The following ARHGAP29 variants were observed in gnomAD, a reference collection of about 807,000 sequenced individuals.
ARHGAP29 encodes rho GTPase-activating protein 29.
ARHGAP29 carries 43 observed loss-of-function variants against 122.6 expected under a neutral mutation model. That is an observed-to-expected ratio of 0.35 (90% CI 0.27 to 0.45). The LOEUF (loss-of-function observed/expected upper bound fraction) is 0.45, where lower values mean the gene tolerates loss of function less well. Among genes scored for constraint, ARHGAP29 ranks in the 20% least tolerant of loss-of-function variants. ARHGAP29 has a pLI of 1.00. For synonymous variants in ARHGAP29, 506 were observed against 497.1 expected, an observed-to-expected ratio of 1.02 and a Z score of -0.24; for missense variants, 1,303 against 1,477.2, an observed-to-expected ratio of 0.88 and a Z score of 1.93.
At chr1:94,242,364 AT>A (rs536435104), upstream of ARHGAP29, among the ~76,000 whole-genome samples, 1 of 152,120 alleles carries the variant, frequency 6.6e-6, no homozygotes, top group Admixed American at 6.6e-5. Context: ...ACATTTTATA[AT>A]TTTTTTAAAA....
At chr1:94,212,612 G>A (rs541205875) in intron 3 of ARHGAP29, among the ~76,000 whole-genome samples, 3 of 152,004 alleles carry the variant, frequency 2.0e-5, no homozygotes, top group African/African-American at 7.2e-5. Context: ...AAACATGACT[G>A]GGAGATTAAA....
At chr1:94,255,336 G>C (rs752171417) in intron 1 of ARHGAP29, among the ~76,000 whole-genome samples, 1 of 152,156 alleles carries the variant, frequency 6.6e-6, no homozygotes, top group Non-Finnish European at 1.5e-5. Flanking sequence ...CTGACACCTT[G>C]ATGTCAAACT....
intron 12 of ARHGAP29, among the ~76,000 whole-genome samples, chr1:94,199,707 A>G (rs545282065): frequency 1.3e-5 from 2 of 152,308 alleles, no homozygotes; most frequent in African/African-American, 2.4e-5. Flanking sequence ...AGCCAATCCT[A>G]AACAGTTTAC....
chr1:94,169,671 G>A lies in ARHGAP29; in HGVS notation c.*4198C>T, dbSNP rs1225992728. Among the ~76,000 whole-genome samples the A allele has an allele frequency of 6.6e-6, 1 of 152,160 alleles. No homozygotes were observed. The highest frequency in any genetic ancestry group is 1.9e-4 in the East Asian group (1 of 5,196). On this transcript the variant is annotated 3_prime_UTR_variant, in exon 23 of 23. Coordinates refer to ENST00000260526, the MANE Select transcript of ARHGAP29 (RefSeq NM_004815.4). ...TTGAGCTGTTCACCAATAAGACAGT[G>A]AGCCTTTCTCAGGTCTTCATTTCCA...
intron 2 of ARHGAP29, among the ~76,000 whole-genome samples, chr1:94,223,103 C>G (rs1652411285): frequency 6.6e-6 from 1 of 152,096 alleles, no homozygotes; most frequent in Non-Finnish European, 1.5e-5. Flanking sequence ...GCCACCACAC[C>G]CAGCTAATTT....
chr1:94,233,113 T>G (rs1653025478), intron 1 of ARHGAP29, among the ~76,000 whole-genome samples: 1 of 149,738 alleles, frequency 6.7e-6, no homozygotes, highest in Admixed American at 6.7e-5. Context: ...CCTAGCTAGC[T>G]AAAAAAAAAA....
the ARHGAP29 span, among the ~76,000 whole-genome samples, chr1:94,305,620 G>A: frequency 2.6e-5 from 4 of 152,188 alleles, no homozygotes; most frequent in Admixed American, 6.5e-5. Flanking sequence ...GAGAGGTGAG[G>A]AAGACTTGAA....
chr1:94,236,885 T>C (rs370398920), intron 1 of ARHGAP29, among the ~76,000 whole-genome samples: 21 of 152,034 alleles, frequency 1.4e-4, no homozygotes, highest in East Asian at 7.8e-4. Context: ...GGAGCGGGAA[T>C]AGAATCCAGG....
rs374516533 is a variant in ARHGAP29 at position 94,218,763 on chromosome 1, A to T, written c.340+1495T>A. Among the ~76,000 whole-genome samples the T allele has an allele frequency of 1.8e-4, 27 of 152,366 alleles. No homozygotes were observed. In the South Asian group the frequency reaches 3.3e-3, roughly 19 times the overall value. Reference sequence around the variant, plus strand: ...TTTGAAATACAGAAAAAAGGAAACCACACAAACATGATAAATCTATGTCAA... The same window carrying T: ...TTTGAAATACAGAAAAAAGGAAACCTCACAAACATGATAAATCTATGTCAA... On this transcript the variant is annotated intron_variant, in intron 3 of 22. Coordinates refer to ENST00000260526, the MANE Select transcript of ARHGAP29 (RefSeq NM_004815.4).
intron 11 of ARHGAP29, 29 bp from the exon 12 acceptor site, chr1:94,201,886 A>C (rs972187919): frequency 1.3e-6 from 2 of 1,498,118 alleles, no homozygotes; most frequent in African/African-American, 2.8e-5. Context: ...AAAAAAAATA[A>C]CACTAGAATT....
At position 94,173,896 on chromosome 1, in the gene ARHGAP29, G is replaced by A. The variant is rs375753775; in HGVS notation, c.3759C>T (p.Leu1253=). ...ACACAAATTGTGGAATTTCACCTTC[G>A]AGGTCTTCAAACTGTTGCATTCGTT... ...RLKRMQQFED[L]EGEIPQFV is the part of the protein sequence containing the mutation. Residue 1253 remains leucine, a synonymous_variant, in exon 23 of 23, where the codon CTC becomes CTT. Transcript: ENST00000260526. 2.7e-5 allele frequency: 44 copies of A among 1,603,906 alleles called. No homozygotes were observed. The highest frequency in any genetic ancestry group is 1.7e-4 in the South Asian group (15 of 90,462).
In ARHGAP29 at chr1:94,178,064, T is replaced by C. The variant is rs750036225; in HGVS notation, c.2584A>G (p.Ile862Val). 1 of 1,614,184 alleles carries C rather than the reference T, an allele frequency of 6.2e-7. No homozygotes were observed. The highest frequency in any genetic ancestry group is 8.5e-7 in the Non-Finnish European group (1 of 1,180,014). ...RPRPTTAPITISSLAEYSNQA... is the reference protein window; with the variant it reads ...RPRPTTAPITVSSLAEYSNQA... ...TTTGAATACTCTGCAAGGGAGGAGA[T>C]GGTGATAGGAGCAGTTGTGGGCCTT... is the stretch of plus-strand genomic sequence containing the variant. Residue 862 changes from isoleucine to valine, a missense_variant, in exon 21 of 23, where the codon ATC becomes GTC. By Grantham distance (29) the Ile-to-Val change is conservative. Coordinates refer to ENST00000260526, the MANE Select transcript of ARHGAP29 (RefSeq NM_004815.4).
intron 12 of ARHGAP29, chr1:94,194,137 G>A (rs1650298040): frequency 6.6e-6 from 1 of 151,888 alleles, no homozygotes. Context: ...TTTTAAACTT[G>A]GCTATTTATA....
the ARHGAP29 span, chr1:94,303,072 A>G: frequency 1.9e-5 from 3 of 158,714 alleles, no homozygotes; most frequent in South Asian, 5.5e-4. Flanking sequence ...AGGAAGAGAG[A>G]AGCCTTTAGT....
the ARHGAP29 span, among the ~76,000 whole-genome samples, chr1:94,301,098 T>G: frequency 1.3e-5 from 2 of 152,342 alleles, no homozygotes; most frequent in African/African-American, 4.8e-5. Context: ...AAGTAGCAAC[T>G]TCTTCCACCT....
chr1:94,290,941 C>T, the ARHGAP29 span, among the ~76,000 whole-genome samples: 5 of 152,296 alleles, frequency 3.3e-5, no homozygotes, highest in African/African-American at 1.2e-4. Context: ...ATTAGGTCCA[C>T]TTGGTCCAGA....
chr1:94,253,666 A>T, intron 1 of ARHGAP29, among the ~76,000 whole-genome samples: 1 of 152,072 alleles, frequency 6.6e-6, no homozygotes. Flanking sequence ...GCACGCACGC[A>T]CGCACATGCA....
At chr1:94,183,538 A>C (rs1372019620) in intron 19 of ARHGAP29, among the ~76,000 whole-genome samples, 1 of 152,178 alleles carries the variant, frequency 6.6e-6, no homozygotes, top group South Asian at 2.1e-4. Context: ...TCCTGCTAGA[A>C]TGTGCAGTAC....
At chr1:94,253,587 G>A (rs1042847128) in intron 1 of ARHGAP29, among the ~76,000 whole-genome samples, 3 of 152,146 alleles carry the variant, frequency 2.0e-5, no homozygotes, top group Admixed American at 1.3e-4. Context: ...CCAGTGAGGA[G>A]CTTGGGTTGC....
Sources: allele counts gnomAD v4.1 joint callset (sites outside exome capture counted in the v4.1 genomes callset), GRCh38; gene constraint gnomAD v4.1.1; transcripts MANE v1.5; gene names NCBI Gene and HGNC (gene_info 2026-07-23, HGNC 2026-07-21).